HIVEP1: variants seen among roughly 807,000 people sequenced by gnomAD.
HIVEP1 encodes the protein zinc finger protein 40.
HIVEP1 carries 36 observed loss-of-function variants against 180.0 expected under a neutral mutation model. That is an observed-to-expected ratio of 0.20 (90% CI 0.15 to 0.26). The LOEUF (loss-of-function observed/expected upper bound fraction) is 0.26. Among genes scored for constraint, HIVEP1 ranks in the 10% least tolerant of loss-of-function variants. The probability of loss-of-function intolerance (pLI) is 1.00; values close to 1 mark genes in which losing one functional copy is unlikely to be tolerated. For synonymous variants in HIVEP1, 1,239 were observed against 1,239.0 expected (o/e 1.00, Z 0.00); for missense variants, 3,143 against 3,268.7 (o/e 0.96, Z 0.94).
intron 3 of HIVEP1, among the ~76,000 whole-genome samples, chr6:12,097,837 T>C (rs1252110240): frequency 6.6e-6 from 1 of 152,182 alleles, no homozygotes; most frequent in Non-Finnish European, 1.5e-5. Flanking sequence ...TCTTCAAATA[T>C]CTGTCCTCAC....
chr6:12,010,215 C>G (rs1767200472), upstream of HIVEP1, among the ~76,000 whole-genome samples: 1 of 152,294 alleles, frequency 6.6e-6, no homozygotes, highest in African/African-American at 2.4e-5. Flanking sequence ...ATTATTTCAT[C>G]GTAGGGTTAG....
At chr6:12,101,095 A>G (rs968132739) in intron 3 of HIVEP1, among the ~76,000 whole-genome samples, 2 of 152,292 alleles carry the variant, frequency 1.3e-5, no homozygotes, top group Admixed American at 1.3e-4. Flanking sequence ...AAAATAGAAA[A>G]TGTATTTATT....
intron 2 of HIVEP1, among the ~76,000 whole-genome samples, chr6:12,069,516 G>A (rs758281769): frequency 7.1e-6 from 1 of 140,322 alleles, no homozygotes; most frequent in Non-Finnish European, 1.5e-5. Context: ...GGTGGGAATT[G>A]AACGATGAGA....
chr6:12,131,813 A>C (rs535325370), intron 6 of HIVEP1, among the ~76,000 whole-genome samples: 1 of 142,680 alleles, frequency 7.0e-6, no homozygotes, highest in South Asian at 2.3e-4. Flanking sequence ...AAATTAATTG[A>C]TTTTTAAAAA....
At chr6:12,047,556 T>G in intron 2 of HIVEP1, among the ~76,000 whole-genome samples, 1 of 152,276 alleles carries the variant, frequency 6.6e-6, no homozygotes, top group Admixed American at 6.5e-5. Flanking sequence ...ACATCGCGGG[T>G]CTCACAGCCA....
chr6:12,193,234 T>C, the HIVEP1 span, among the ~76,000 whole-genome samples: 1 of 152,198 alleles, frequency 6.6e-6, no homozygotes, highest in African/African-American at 2.4e-5. Context: ...CTAATGAACA[T>C]AGTGTAATTT....
intron 4 of HIVEP1, 94 bp from the exon 5 acceptor site, chr6:12,129,665 C>A: frequency 1.0e-6 from 1 of 998,198 alleles, no homozygotes; most frequent in Non-Finnish European, 1.6e-6. Flanking sequence ...TGACCATATG[C>A]TCTGTACTCT....
At chr6:12,074,195 G>A (rs150099688) in intron 2 of HIVEP1, among the ~76,000 whole-genome samples, 22 of 152,288 alleles carry the variant, frequency 1.4e-4, no homozygotes, top group African/African-American at 3.8e-4. Flanking sequence ...GCACATGGCC[G>A]ATTCTAAAGA....
chr6:12,206,584 A>G, the HIVEP1 span, among the ~76,000 whole-genome samples: 1 of 152,326 alleles, frequency 6.6e-6, no homozygotes, highest in South Asian at 2.1e-4. Context: ...CTTCCCTGGC[A>G]TCTTTAGAGG....
At chr6:12,132,275 C>A (rs1758463348) in intron 6 of HIVEP1, among the ~76,000 whole-genome samples, 1 of 151,874 alleles carries the variant, frequency 6.6e-6, no homozygotes, top group South Asian at 2.1e-4. Flanking sequence ...TCATTTTGAT[C>A]CTATGATTAA....
At chr6:12,077,246 A>G (rs1243143393) in intron 2 of HIVEP1, among the ~76,000 whole-genome samples, 1 of 152,222 alleles carries the variant, frequency 6.6e-6, no homozygotes, top group Non-Finnish European at 1.5e-5. Flanking sequence ...ATATCAGATT[A>G]GGTTTTCAGC....
chr6:12,132,585 G>A (rs755521678), intron 6 of HIVEP1, among the ~76,000 whole-genome samples: 4 of 152,134 alleles, frequency 2.6e-5, no homozygotes, highest in Admixed American at 6.5e-5. Context: ...AAATTAACTC[G>A]AAGATTTTAG....
intron 2 of HIVEP1, among the ~76,000 whole-genome samples, chr6:12,087,411 T>C (rs1773181258): frequency 6.6e-6 from 1 of 152,112 alleles, no homozygotes; most frequent in African/African-American, 2.4e-5. Flanking sequence ...GCACATAAAC[T>C]ATTAAGCACA....
chr6:12,017,620 G>C (rs1450580705), intron 2 of HIVEP1, among the ~76,000 whole-genome samples: 1 of 151,870 alleles, frequency 6.6e-6, no homozygotes, highest in Admixed American at 6.6e-5. Context: ...ACAGAGAGCC[G>C]ATTGGTCTGT....
the HIVEP1 span, among the ~76,000 whole-genome samples, chr6:12,178,490 G>A: frequency 3.7e-4 from 56 of 152,244 alleles, no homozygotes; most frequent in Middle Eastern, 6.8e-3. Context: ...TGGACAACAG[G>A]TACATGGGAA....
chr6:12,011,639 G>T (rs1767315093), upstream of HIVEP1, among the ~76,000 whole-genome samples: 1 of 149,424 alleles, frequency 6.7e-6, no homozygotes. Flanking sequence ...GCTCGGCCGG[G>T]CGGGGCGGGG....
chr6:12,044,094 A>G (rs925872171), intron 2 of HIVEP1, among the ~76,000 whole-genome samples: 2 of 152,144 alleles, frequency 1.3e-5, no homozygotes, highest in East Asian at 1.9e-4. Flanking sequence ...GATGCTTTCT[A>G]TGGGGTGAGC....
At chr6:12,011,813 C>T (rs1164340462), upstream of HIVEP1, among the ~76,000 whole-genome samples, 2 of 147,852 alleles carry the variant, frequency 1.4e-5, no homozygotes, top group Admixed American at 1.3e-4. Flanking sequence ...GGCCCCGGCG[C>T]CTGGGCGTCC....
chr6:12,057,197 T>A (rs1770940676), intron 2 of HIVEP1, among the ~76,000 whole-genome samples: 1 of 152,228 alleles, frequency 6.6e-6, no homozygotes, highest in Non-Finnish European at 1.5e-5. Flanking sequence ...TATACTTGAG[T>A]ACAACTGTAT....
Sources: allele counts gnomAD v4.1 joint callset (sites outside exome capture counted in the v4.1 genomes callset), GRCh38; gene constraint gnomAD v4.1.1; transcripts MANE v1.5; gene names NCBI Gene and HGNC (gene_info 2026-07-23, HGNC 2026-07-21).